Variants in MACO1 observed in about 807,000 individuals in gnomAD.
MACO1 encodes macoilin 1.
A neutral mutation model predicts 78.7 loss-of-function variants in MACO1; 14 were observed. The ratio of observed to expected loss-of-function variants is 0.18; its 90% CI spans 0.12 to 0.28. The LOEUF is 0.28. Among genes scored for constraint, MACO1 ranks in the 10% least tolerant of loss-of-function variants. The pLI is 1.00. For synonymous variants in MACO1, 288 were observed against 291.6 expected, an observed-to-expected ratio of 0.99 and a Z score of 0.12; for missense variants, 501 against 799.0, an observed-to-expected ratio of 0.63 and a Z score of 4.50.
chr1:25,497,906 A>C (rs1571996181), intron 10 of MACO1, among the ~76,000 whole-genome samples: 1 of 152,286 alleles, frequency 6.6e-6, no homozygotes, highest in South Asian at 2.1e-4. Flanking sequence ...CTTTACATCA[A>C]CCACACCTAT....
chr1:25,439,433 ACT>A (rs984413101), intron 1 of MACO1, among the ~76,000 whole-genome samples: 2 of 151,942 alleles, frequency 1.3e-5, no homozygotes, highest in African/African-American at 4.8e-5. Flanking sequence ...CATATTTCAC[ACT>A]GTTAGATTTG....
chr1:25,452,695 AT>A (rs1441392010), intron 3 of MACO1, among the ~76,000 whole-genome samples: 1 of 147,432 alleles, frequency 6.8e-6, no homozygotes, highest in African/African-American at 2.6e-5. Flanking sequence ...ATTACGGTGA[AT>A]TGTTTTTTTT....
chr1:25,491,170 G>T (rs978367785), intron 9 of MACO1, among the ~76,000 whole-genome samples: 11 of 152,194 alleles, frequency 7.2e-5, no homozygotes, highest in Admixed American at 5.2e-4. Flanking sequence ...TTTGGAAGCA[G>T]ATTCCATTGT....
At chr1:25,471,060 C>T (rs1454738338) in intron 6 of MACO1, among the ~76,000 whole-genome samples, 5 of 150,982 alleles carry the variant, frequency 3.3e-5, no homozygotes, top group South Asian at 2.1e-4. Flanking sequence ...TGGGTAGGGC[C>T]GGGTACGGTG....
At chr1:25,437,553 AT>A (rs1354889412) in intron 1 of MACO1, among the ~76,000 whole-genome samples, 1 of 152,102 alleles carries the variant, frequency 6.6e-6, no homozygotes, top group Non-Finnish European at 1.5e-5. Context: ...AATGAATACT[AT>A]GTTCATGTCC....
intron 8 of MACO1, among the ~76,000 whole-genome samples, chr1:25,486,534 C>T (rs1234993846): frequency 4.6e-5 from 7 of 152,000 alleles, no homozygotes; most frequent in Non-Finnish European, 7.4e-5. Context: ...AGATATAGAG[C>T]GAGGGTAAAT....
At chr1:25,445,957 T>C (rs1571954626) in intron 1 of MACO1, among the ~76,000 whole-genome samples, 1 of 152,324 alleles carries the variant, frequency 6.6e-6, no homozygotes, top group Non-Finnish European at 1.5e-5. Flanking sequence ...AATTGACCTA[T>C]AGAGTATATG....
rs146569356 is a variant in MACO1 at position 25,480,988 on chromosome 1, G to A, written c.1155-3128G>A. Among the ~76,000 whole-genome samples the A allele has an allele frequency of 6.7e-4, 77 of 114,314 alleles. 1 individual carries two copies. The highest frequency in any genetic ancestry group is 2.0e-3 in the African/African-American group (58 of 29,000). The allele number at this position is 114,314 out of a possible 152,430, so 75.0% of individuals were successfully genotyped here. A position where few individuals can be genotyped will look rare whatever the true frequency, so the allele number is the denominator to read the frequency against. On this transcript the variant is annotated intron_variant, in intron 6 of 10. Coordinates refer to ENST00000374343, the MANE Select transcript of MACO1 (RefSeq NM_018202.6). ...TATATATATATATTTCATGTTCTTT[G>A]GTCTTCAGAAGTTATAATCTAGATA...
chr1:25,449,852 C>G (rs7548114), intron 3 of MACO1, among the ~76,000 whole-genome samples: 75,415 of 152,016 alleles, frequency 0.5, 19,072 homozygotes, highest in Non-Finnish European at 0.54. Context: ...AACCCCACCT[C>G]TACTAAAAAT....
intron 6 of MACO1, among the ~76,000 whole-genome samples, chr1:25,466,405 C>T (rs2043219616): frequency 6.6e-6 from 1 of 152,178 alleles, no homozygotes; most frequent in Non-Finnish European, 1.5e-5. Context: ...CCTCCACCTC[C>T]TGGGTTCAAG....
intron 1 of MACO1, among the ~76,000 whole-genome samples, chr1:25,433,170 G>C (rs887745864): frequency 6.6e-6 from 1 of 152,082 alleles, no homozygotes; most frequent in African/African-American, 2.4e-5. Flanking sequence ...ATTTCTAACT[G>C]TCTTTCCTGG....
At chr1:25,448,240 G>A (rs141846314) in intron 2 of MACO1, among the ~76,000 whole-genome samples, 34 of 152,152 alleles carry the variant, frequency 2.2e-4, no homozygotes, top group African/African-American at 4.3e-4. Context: ...CAAGGCGGGC[G>A]GATCACAAGG....
chr1:25,489,779 A>T (rs1406448420), intron 9 of MACO1, among the ~76,000 whole-genome samples: 2 of 152,194 alleles, frequency 1.3e-5, no homozygotes, highest in African/African-American at 4.8e-5. Flanking sequence ...AATATTTGTC[A>T]TTTAAACTAA....
At chr1:25,497,328 C>T (rs2043546335) in intron 10 of MACO1, among the ~76,000 whole-genome samples, 2 of 149,118 alleles carry the variant, frequency 1.3e-5, no homozygotes, top group African/African-American at 2.5e-5. Context: ...TGCAGTGAGC[C>T]GAGATCTCGC....
chr1:25,479,837 T>C (rs1370464139), intron 6 of MACO1, among the ~76,000 whole-genome samples: 2 of 152,206 alleles, frequency 1.3e-5, no homozygotes. Context: ...CAATTAATTA[T>C]TTATGGAAAA....
intron 1 of MACO1, among the ~76,000 whole-genome samples, chr1:25,445,124 A>G (rs1327176535): frequency 4.9e-5 from 6 of 122,024 alleles, no homozygotes; most frequent in Non-Finnish European, 9.8e-5. Flanking sequence ...TGAGACTCCC[A>G]TCTCTATTAA....
At chr1:25,468,042 C>T (rs986790668) in intron 6 of MACO1, among the ~76,000 whole-genome samples, 1 of 152,034 alleles carries the variant, frequency 6.6e-6, no homozygotes, top group African/African-American at 2.4e-5. Context: ...AGGATTGGCA[C>T]TAGAATGAGA....
In MACO1 at chr1:25,484,278, C is replaced by G. The variant is rs760632681; in HGVS notation, c.1313+4C>G. On this transcript the variant is annotated splice_donor_region_variant and intron_variant, in intron 7 of 10. Coordinates refer to ENST00000374343, the MANE Select transcript of MACO1 (RefSeq NM_018202.6). Reference sequence around the variant, plus strand: ...AGAACGAGCTGCTGCAGAACAAGTACGTGCACCTTTCAGGCCTTTGGCCGT... The same window carrying G: ...AGAACGAGCTGCTGCAGAACAAGTAGGTGCACCTTTCAGGCCTTTGGCCGT... 6 of 1,601,750 alleles carry G rather than the reference C, an allele frequency of 3.7e-6. No homozygotes were observed. The African/African-American group carries it at 8.1e-5, about 22-fold the overall frequency.
intron 6 of MACO1, among the ~76,000 whole-genome samples, chr1:25,469,780 G>T (rs2043251396): frequency 6.6e-6 from 1 of 151,916 alleles, no homozygotes; most frequent in Non-Finnish European, 1.5e-5. Flanking sequence ...GGGACTACAG[G>T]CGTGCGCCAC....
Sources: gnomAD v4.1 joint callset for allele counts (sites outside exome capture counted in the v4.1 genomes callset) on GRCh38, gnomAD v4.1.1 for gene constraint, MANE v1.5 for transcripts, NCBI Gene and HGNC (gene_info 2026-07-23, HGNC 2026-07-21) for gene names.